IFI27L1: variants seen among roughly 807,000 people sequenced by gnomAD.
IFI27L1 encodes interferon alpha inducible protein 27 like 1.
Under a neutral mutation model 9.2 loss-of-function variants are expected in IFI27L1, and 3 were observed. That is an observed-to-expected ratio of 0.32 (90% CI 0.15 to 0.84). The LOEUF is 0.84. Among genes scored for constraint, IFI27L1 ranks in the 40% least tolerant of loss-of-function variants. The pLI, the probability that IFI27L1 is intolerant of heterozygous loss-of-function variation, is 0.56. For missense variants in IFI27L1, 133 were observed against 134.2 expected (o/e 0.99, Z 0.05); for synonymous variants, 53 against 50.0 (o/e 1.06, Z -0.26).
chr14:94,097,728 G>A, intron 2 of IFI27L1: 1 of 701,778 alleles, frequency 1.4e-6, no homozygotes, highest in Non-Finnish European at 2.6e-6. Flanking sequence ...AAACCATGTG[G>A]AGTCAAGGAG....
intron 1 of IFI27L1, among the ~76,000 whole-genome samples, chr14:94,092,641 T>A (rs890966522): frequency 2.6e-5 from 4 of 152,228 alleles, no homozygotes; most frequent in African/African-American, 9.6e-5. Flanking sequence ...AGATCAGTGC[T>A]CTAAGAAAAA....
At chr14:94,099,050 T>C (rs1353700766) in intron 2 of IFI27L1, among the ~76,000 whole-genome samples, 2 of 151,972 alleles carry the variant, frequency 1.3e-5, no homozygotes, top group Non-Finnish European at 2.9e-5. Flanking sequence ...GAGGAAGATG[T>C]GGTGTGAAGG....
chr14:94,084,580 C>G (rs1014181405), intron 1 of IFI27L1, among the ~76,000 whole-genome samples: 1 of 152,164 alleles, frequency 6.6e-6, no homozygotes, highest in East Asian at 1.9e-4. Context: ...AACAAAGAGT[C>G]AAGCTACCTT....
intron 2 of IFI27L1, among the ~76,000 whole-genome samples, chr14:94,097,973 G>T (rs766277196): frequency 2.6e-5 from 4 of 152,158 alleles, no homozygotes; most frequent in Non-Finnish European, 5.9e-5. Context: ...GTGCCCCCAG[G>T]TGTGGGGCTA....
At chr14:94,087,871 T>G (rs954743259) in intron 1 of IFI27L1, among the ~76,000 whole-genome samples, 1 of 152,184 alleles carries the variant, frequency 6.6e-6, no homozygotes, top group Non-Finnish European at 1.5e-5. Flanking sequence ...TTCCAAGAAG[T>G]AAAATTTCTA....
chr14:94,100,526 C>T (rs540728285), intron 2 of IFI27L1: 82 of 985,256 alleles, frequency 8.3e-5, no homozygotes, highest in South Asian at 1.4e-4. Flanking sequence ...ACTTCTGATG[C>T]GGGGACCTGG....
intron 1 of IFI27L1, among the ~76,000 whole-genome samples, chr14:94,093,902 G>A (rs1019336896): frequency 3.3e-5 from 5 of 152,172 alleles, no homozygotes; most frequent in Non-Finnish European, 7.3e-5. Flanking sequence ...GAAAAAAAAG[G>A]AAAGTGAGAG....
intron 1 of IFI27L1, among the ~76,000 whole-genome samples, chr14:94,093,022 G>A (rs1886535678): frequency 6.6e-6 from 1 of 151,822 alleles, no homozygotes; most frequent in Admixed American, 6.6e-5. Flanking sequence ...AGTAGAGATG[G>A]GGTTTCACCA....
At chr14:94,089,247 C>T (rs912385724) in intron 1 of IFI27L1, 1 of 152,182 alleles carries the variant, frequency 6.6e-6, no homozygotes, top group African/African-American at 2.4e-5. Flanking sequence ...ATTCCATAGT[C>T]AGAATAGCAG....
Position 94,096,920 on chromosome 14 carries a change from G to A in IFI27L1, c.-18G>A, listed in dbSNP as rs200424228. 248 of 1,613,058 alleles carry A rather than the reference G, an allele frequency of 1.5e-4. 2 individuals carry two copies. In the East Asian group the frequency reaches 4.8e-3, roughly 31 times the overall value. On this transcript the variant is annotated 5_prime_UTR_variant, in exon 2 of 5. Coordinates refer to ENST00000555523, the MANE Select transcript of IFI27L1 (RefSeq NM_206949.3). ...CCAAGAATCCGAGTGGAGGCTCACC[G>A]AGGCGAAGGGGCCAACCATGGGAAA...
At chr14:94,089,364 G>C (rs560768526) in intron 1 of IFI27L1, 8 of 152,278 alleles carry the variant, frequency 5.3e-5, no homozygotes, top group African/African-American at 1.9e-4. Context: ...GGAACTGAGG[G>C]TTCCTCCCCC....
intron 1 of IFI27L1, among the ~76,000 whole-genome samples, chr14:94,084,922 A>G (rs1298914814): frequency 6.6e-6 from 1 of 152,158 alleles, no homozygotes. Flanking sequence ...TTGCTTACAC[A>G]GTTTTTAATT....
chr14:94,102,152 C>A (rs1370256402), intron 4 of IFI27L1, 177 bp downstream of exon 4: 2 of 674,418 alleles, frequency 3.0e-6, no homozygotes, highest in Non-Finnish European at 5.1e-6. Flanking sequence ...CCTAAGAGAT[C>A]TGCATTCCTG....
At chr14:94,090,439 G>A (rs539305878) in intron 1 of IFI27L1, among the ~76,000 whole-genome samples, 2 of 152,324 alleles carry the variant, frequency 1.3e-5, no homozygotes, top group African/African-American at 4.8e-5. Context: ...ATAAAGTGCA[G>A]CAAGAATGAT....
intron 1 of IFI27L1, among the ~76,000 whole-genome samples, chr14:94,092,337 C>T (rs1278498157): frequency 6.6e-6 from 1 of 151,880 alleles, no homozygotes; most frequent in African/African-American, 2.4e-5. Flanking sequence ...CATGGTGCAA[C>T]CCCGTCTCTA....
chr14:94,095,934 G>A (rs1886649568), intron 1 of IFI27L1, among the ~76,000 whole-genome samples: 1 of 152,198 alleles, frequency 6.6e-6, no homozygotes, highest in African/African-American at 2.4e-5. Flanking sequence ...AAATTCTGTG[G>A]CAGAAAGAAT....
chr14:94,100,846 G>A, intron 3 of IFI27L1, 75 bp downstream of exon 3: 2 of 1,531,230 alleles, frequency 1.3e-6, no homozygotes, highest in Admixed American at 1.7e-5. Flanking sequence ...GGAGAAACTG[G>A]CTTTGACCAA....
intron 1 of IFI27L1, among the ~76,000 whole-genome samples, chr14:94,087,617 G>A (rs963346482): frequency 3.3e-5 from 5 of 152,158 alleles, no homozygotes; most frequent in African/African-American, 9.6e-5. Flanking sequence ...TAGTAGAGAT[G>A]GTGTTTCACC....
At chr14:94,097,633 G>A (rs1200915374) in intron 2 of IFI27L1, 1 of 702,304 alleles carries the variant, frequency 1.4e-6, no homozygotes, top group Non-Finnish European at 2.6e-6. Context: ...GTCCGGGACT[G>A]GAGCTGCAGA....
Sources: gnomAD v4.1 joint callset for allele counts (sites outside exome capture counted in the v4.1 genomes callset) on GRCh38, gnomAD v4.1.1 for gene constraint, MANE v1.5 for transcripts, NCBI Gene and HGNC (gene_info 2026-07-23, HGNC 2026-07-21) for gene names.